The following SHQ1 variants were observed in gnomAD, a reference collection of about 807,000 sequenced individuals.
The protein encoded by SHQ1 is protein SHQ1 homolog.
A neutral mutation model predicts 53.8 loss-of-function variants in SHQ1; 49 were observed. That is an observed-to-expected ratio of 0.91 (90% confidence interval 0.72 to 1.16). The LOEUF (loss-of-function observed/expected upper bound fraction) is 1.16, where lower values mean the gene tolerates loss of function less well. Ranked by LOEUF, SHQ1 falls within the 50% of genes most tolerant of loss-of-function variation. The pLI is 0.00. For synonymous variants in SHQ1, 243 were observed against 251.0 expected, an observed-to-expected ratio of 0.97 and a Z score of 0.30; for missense variants, 738 against 683.1, an observed-to-expected ratio of 1.08 and a Z score of -0.90.
intron 2 of SHQ1, 147 bp from the exon 3 acceptor site, chr3:72,842,549 C>G (rs1288658671): frequency 2.1e-6 from 1 of 467,100 alleles, no homozygotes; most frequent in Non-Finnish European, 3.7e-6. Flanking sequence ...GGCAACATAC[C>G]AAGACCCCAT....
chr3:72,757,176 C>T (rs998764932), intron 10 of SHQ1, among the ~76,000 whole-genome samples: 37 of 152,180 alleles, frequency 2.4e-4, no homozygotes, highest in Admixed American at 1.9e-3. Flanking sequence ...ATTTCCTCTG[C>T]CCAAACCTAG....
chr3:72,808,407 G>GT (rs1707019635), intron 9 of SHQ1, among the ~76,000 whole-genome samples: 1 of 152,074 alleles, frequency 6.6e-6, no homozygotes, highest in Admixed American at 6.5e-5. Flanking sequence ...TTCAATATAT[G>GT]TAAGTGCACA....
chr3:72,841,253 G>C, intron 3 of SHQ1, 54 bp from the exon 4 acceptor site: 1 of 1,425,876 alleles, frequency 7.0e-7, no homozygotes, highest in South Asian at 1.4e-5. Context: ...GTACAACTAG[G>C]GGAAGAAAAA....
chr3:72,738,094 C>A, the SHQ1 span, among the ~76,000 whole-genome samples: 9 of 152,158 alleles, frequency 5.9e-5, no homozygotes, highest in African/African-American at 1.4e-4. Context: ...GACATGAACA[C>A]CCCACCCTAA....
chr3:72,840,769 C>T (rs1224805524), intron 4 of SHQ1, among the ~76,000 whole-genome samples: 1 of 152,060 alleles, frequency 6.6e-6, no homozygotes, highest in Non-Finnish European at 1.5e-5. Flanking sequence ...GAGAGGAGTT[C>T]TGCTTTGTAC....
intron 8 of SHQ1, among the ~76,000 whole-genome samples, chr3:72,814,108 T>G: frequency 6.6e-6 from 1 of 152,168 alleles, no homozygotes; most frequent in East Asian, 1.9e-4. Flanking sequence ...ACATTAATCC[T>G]TAAAACTATG....
intron 6 of SHQ1, among the ~76,000 whole-genome samples, chr3:72,820,754 T>C (rs944567111): frequency 3.3e-5 from 5 of 152,214 alleles, no homozygotes; most frequent in African/African-American, 7.2e-5. Context: ...AATTATACTT[T>C]TAAAAATAAT....
At chr3:72,843,645 A>G (rs901932655) in intron 2 of SHQ1, among the ~76,000 whole-genome samples, 1 of 152,188 alleles carries the variant, frequency 6.6e-6, no homozygotes, top group African/African-American at 2.4e-5. Context: ...CAACTTACCT[A>G]TAACTAAAAG....
chr3:72,730,755 A>C, the SHQ1 span, among the ~76,000 whole-genome samples: 1 of 152,140 alleles, frequency 6.6e-6, no homozygotes, highest in Admixed American at 6.5e-5. Context: ...ACCTTCATCC[A>C]GCCTCTTGTC....
At chr3:72,818,560 A>G (rs1362233021) in intron 6 of SHQ1, among the ~76,000 whole-genome samples, 1 of 152,184 alleles carries the variant, frequency 6.6e-6, no homozygotes, top group African/African-American at 2.4e-5. Context: ...GAAATGTAAT[A>G]GCTTTTTTAC....
chr3:72,735,285 G>A, the SHQ1 span, among the ~76,000 whole-genome samples: 1 of 150,532 alleles, frequency 6.6e-6, no homozygotes, highest in African/African-American at 2.5e-5. Context: ...GGGCTCAGTG[G>A]GGGCGGTTCT....
chr3:72,754,559 T>G (rs1311319629), intron 10 of SHQ1, among the ~76,000 whole-genome samples: 1 of 152,112 alleles, frequency 6.6e-6, no homozygotes, highest in African/African-American at 2.4e-5. Flanking sequence ...TTTTATATTT[T>G]TAGTAGAGAC....
rs1705350602 is a variant in SHQ1 at position 72,750,827 on chromosome 3, C to T, written c.1191G>A (p.Lys397=). 4.0e-6 allele frequency: 6 copies of T among 1,505,126 alleles called. No homozygotes were observed. The highest frequency in any genetic ancestry group is 4.4e-6 in the Non-Finnish European group (5 of 1,127,256). 93.2% of individuals were successfully genotyped at this position (1,505,126 alleles called of 1,614,324 possible). A position where few individuals can be genotyped will look rare whatever the true frequency, so the allele number is the denominator to read the frequency against. The change falls in exon 11 of 11, where the codon AAG becomes AAA. Residue 397 remains lysine, a synonymous_variant. Coordinates refer to ENST00000325599, the MANE Select transcript of SHQ1 (RefSeq NM_018130.3). The stretch of plus-strand genomic sequence containing the variant: ...TTAAGGCTTCTGCAAGAGCTGCCAA[C>T]TTTTTGGATCTTGAAAACATTTTAA... The part of the protein sequence containing the change: ...CVWIQKVKSK[K]LAALAEALKE...
chr3:72,801,933 G>A (rs758374538), intron 9 of SHQ1, among the ~76,000 whole-genome samples: 13 of 152,128 alleles, frequency 8.5e-5, no homozygotes, highest in African/African-American at 1.2e-4. Flanking sequence ...AATTTCTCAC[G>A]AAGTAAAAAT....
intron 10 of SHQ1, chr3:72,772,472 T>C (rs372173659): frequency 1.4e-5 from 7 of 484,060 alleles, no homozygotes; most frequent in South Asian, 7.5e-5. Flanking sequence ...CATCTGGATC[T>C]TCAAATGCAC....
chr3:72,847,452 CCG>C (rs201731155), intron 1 of SHQ1, among the ~76,000 whole-genome samples: 1 of 115,784 alleles, frequency 8.6e-6, no homozygotes, highest in Admixed American at 1.0e-4. Context: ...CTAAGGATCA[CCG>C]TCAAAGTTAA....
At chr3:72,763,538 G>A (rs116634728) in intron 10 of SHQ1, among the ~76,000 whole-genome samples, 2,796 of 152,326 alleles carry the variant, frequency 0.018, 83 homozygotes, top group African/African-American at 0.061. Context: ...CCTGGAAGCT[G>A]TGAATGTCAC....
intron 10 of SHQ1, among the ~76,000 whole-genome samples, chr3:72,788,362 C>T (rs1243672387): frequency 6.6e-6 from 1 of 151,756 alleles, no homozygotes; most frequent in Non-Finnish European, 1.5e-5. Context: ...TCTGCCCCGC[C>T]GCCACCCCAT....
At chr3:72,842,643 C>G (rs1332159328) in intron 2 of SHQ1, among the ~76,000 whole-genome samples, 2 of 151,870 alleles carry the variant, frequency 1.3e-5, no homozygotes, top group African/African-American at 2.4e-5. Context: ...ACAAATATAT[C>G]TGAGAAATAC....
Sources: gnomAD v4.1 joint callset for allele counts (sites outside exome capture counted in the v4.1 genomes callset) on GRCh38, gnomAD v4.1.1 for gene constraint, MANE v1.5 for transcripts, NCBI Gene and HGNC (gene_info 2026-07-23, HGNC 2026-07-21) for gene names.